Variants in DYTN observed in about 807,000 individuals in gnomAD.
DYTN encodes the protein dystrotelin.
A neutral mutation model predicts 69.6 loss-of-function variants in DYTN; 75 were observed. That is an observed-to-expected ratio of 1.08 (90% CI 0.89 to 1.31). The LOEUF is 1.31. Ranked by LOEUF, DYTN falls within the 50% of genes most tolerant of loss-of-function variation. The pLI is 0.00. For synonymous variants in DYTN, 252 were observed against 249.1 expected, an observed-to-expected ratio of 1.01 and a Z score of -0.11; for missense variants, 726 against 688.4, an observed-to-expected ratio of 1.05 and a Z score of -0.61.
chr2:206,660,029 A>C (rs1408189371), intron 11 of DYTN, among the ~76,000 whole-genome samples: 1 of 128,258 alleles, frequency 7.8e-6, no homozygotes, highest in Non-Finnish European at 1.7e-5. Context: ...AAAGAAAAAA[A>C]GATGTGTACC....
intron 5 of DYTN, 97 bp from the exon 6 acceptor site, chr2:206,700,313 T>G: frequency 7.5e-7 from 1 of 1,327,072 alleles, no homozygotes; most frequent in Non-Finnish European, 1.1e-6. Context: ...GGCTGTGTAG[T>G]CACAAGTATT....
At chr2:206,693,391 G>C in intron 8 of DYTN, 68 bp from the exon 9 acceptor site, 3 of 1,531,964 alleles carry the variant, frequency 2.0e-6, no homozygotes, top group Non-Finnish European at 2.6e-6. Flanking sequence ...TTCCTTACTT[G>C]GATGGACTGG....
chr2:206,687,069 A>T (rs1156844266), intron 9 of DYTN: 1 of 153,880 alleles, frequency 6.5e-6, no homozygotes, highest in Non-Finnish European at 1.5e-5. Context: ...GAACTTTGTT[A>T]CCCCTCACAT....
intron 1 of DYTN, among the ~76,000 whole-genome samples, chr2:206,712,714 T>C (rs1324340877): frequency 6.6e-6 from 1 of 152,102 alleles, no homozygotes; most frequent in East Asian, 1.9e-4. Context: ...GTGAACCACC[T>C]CCCCTAATCT....
intron 9 of DYTN, chr2:206,686,845 C>T (rs10166501): frequency 0.087 from 13,289 of 152,266 alleles, 1,930 homozygotes; most frequent in African/African-American, 0.3. Flanking sequence ...GGGGTGTTCT[C>T]GAATGAGAAA....
At position 206,666,359 on chromosome 2, in the gene DYTN, T is replaced by C. The variant is rs115221361; in HGVS notation, c.981-330A>G. Among the ~76,000 whole-genome samples, 345 of 152,292 alleles carry C rather than the reference T, an allele frequency of 2.3e-3. 2 individuals carry two copies. Among genetic ancestry groups the C allele is most frequent in the African/African-American group, 8.0e-3 (331 of 41,566 alleles). On this transcript the variant is annotated intron_variant, in intron 9 of 11. Transcript: ENST00000452335. Reference sequence around the variant, plus strand: ...TCAACTGTTATCTCACATTGATCAATATTGTTGACACTGTTTGTTCACCAT... The same window carrying C: ...TCAACTGTTATCTCACATTGATCAACATTGTTGACACTGTTTGTTCACCAT...
chr2:206,669,638 T>TA (rs1000817338), intron 9 of DYTN, among the ~76,000 whole-genome samples: 22 of 152,324 alleles, frequency 1.4e-4, no homozygotes, highest in South Asian at 6.2e-4. Flanking sequence ...GAAGGTAAGT[T>TA]AAAAAAACTA....
intron 11 of DYTN, among the ~76,000 whole-genome samples, chr2:206,659,484 C>CAAAAAAAAAAAAAAAAAAAAA (rs772861150): frequency 1.5e-5 from 1 of 64,574 alleles, no homozygotes; most frequent in African/African-American, 5.7e-5. Context: ...CAACAATTCT[C>CAAAAAAAAAAAAAAAAAAAAA]AAAAAAAAAA....
intron 9 of DYTN, among the ~76,000 whole-genome samples, chr2:206,680,153 G>A (rs1256862661): frequency 1.3e-5 from 2 of 152,196 alleles, no homozygotes; most frequent in African/African-American, 4.8e-5. Flanking sequence ...GGCTGGGGAG[G>A]CCTCATAATC....
intron 7 of DYTN, 105 bp downstream of exon 7, chr2:206,699,622 T>G: frequency 7.4e-7 from 1 of 1,360,416 alleles, no homozygotes; most frequent in Non-Finnish European, 9.7e-7. Context: ...TCAACTGAAT[T>G]TCAGATGTGT....
chr2:206,662,312 C>A (rs1236051158), intron 11 of DYTN, among the ~76,000 whole-genome samples: 1 of 152,062 alleles, frequency 6.6e-6, no homozygotes, highest in Non-Finnish European at 1.5e-5. Context: ...AGATGTAACC[C>A]CATTGTAAAC....
intron 9 of DYTN, among the ~76,000 whole-genome samples, chr2:206,671,800 G>C (rs1699632561): frequency 6.6e-6 from 1 of 152,166 alleles, no homozygotes; most frequent in South Asian, 2.1e-4. Flanking sequence ...TTCTGCAATT[G>C]AGAAGCATTT....
intron 5 of DYTN, among the ~76,000 whole-genome samples, chr2:206,700,442 G>A (rs1421219381): frequency 6.6e-6 from 1 of 152,078 alleles, no homozygotes; most frequent in Non-Finnish European, 1.5e-5. Context: ...AGGGAGGAGG[G>A]GAAGGGAAGG....
chr2:206,662,475 A>C (rs1699522447), intron 11 of DYTN, among the ~76,000 whole-genome samples: 1 of 152,138 alleles, frequency 6.6e-6, no homozygotes, highest in Admixed American at 6.6e-5. Flanking sequence ...CTTATGCAGA[A>C]GATAATAATG....
At chr2:206,668,882 G>A (rs758110903) in intron 9 of DYTN, among the ~76,000 whole-genome samples, 7 of 152,094 alleles carry the variant, frequency 4.6e-5, no homozygotes, top group Admixed American at 6.6e-5. Context: ...AGCATCTGGC[G>A]TTTCCCCCGC....
At chr2:206,713,487 T>C (rs1427420486) in intron 1 of DYTN, among the ~76,000 whole-genome samples, 2 of 152,152 alleles carry the variant, frequency 1.3e-5, no homozygotes, top group African/African-American at 4.8e-5. Context: ...AGAAGCCATC[T>C]CTCATTCCCT....
chr2:206,708,669 G>A (rs994506885), intron 2 of DYTN, among the ~76,000 whole-genome samples: 1 of 152,178 alleles, frequency 6.6e-6, no homozygotes, highest in African/African-American at 2.4e-5. Flanking sequence ...TAATAGTGGT[G>A]TCCATTAATC....
At chr2:206,707,583 GT>G (rs1700040373) in intron 2 of DYTN, 80 bp from the exon 3 acceptor site, 1 of 1,403,238 alleles carries the variant, frequency 7.1e-7, no homozygotes, top group Non-Finnish European at 9.7e-7. Context: ...GTCATTTGGT[GT>G]TTTATAATTA....
At chr2:206,702,430 T>G (rs920722987) in intron 5 of DYTN, among the ~76,000 whole-genome samples, 2 of 152,238 alleles carry the variant, frequency 1.3e-5, no homozygotes, top group African/African-American at 4.8e-5. Flanking sequence ...ACCTCTTTGC[T>G]GACAATTAGC....
Sources: allele counts gnomAD v4.1 joint callset (sites outside exome capture counted in the v4.1 genomes callset), GRCh38; gene constraint gnomAD v4.1.1; transcripts MANE v1.5; gene names NCBI Gene and HGNC (gene_info 2026-07-23, HGNC 2026-07-21).